HDLBP: variants seen among roughly 807,000 people sequenced by gnomAD.
HDLBP encodes the protein vigilin.
HDLBP carries 30 observed loss-of-function variants against 137.3 expected under a neutral mutation model. The ratio of observed to expected loss-of-function variants is 0.22; its 90% CI spans 0.16 to 0.30. The LOEUF is 0.30. HDLBP is among the 10% of genes least tolerant of loss of function. The pLI is 1.00. For synonymous variants in HDLBP, 606 were observed against 596.0 expected, an observed-to-expected ratio of 1.02 and a Z score of -0.24; for missense variants, 1,119 against 1,667.3, an observed-to-expected ratio of 0.67 and a Z score of 5.73.
In HDLBP at chr2:241,230,174, G is replaced by C. The variant is rs1353921759; in HGVS notation, c.3570C>G (p.Ile1190Met). ...TCACGTATTCCTCCTCCAGATTGAGGATGTGGTCGATGGCTTCCTCCACAT... is the reference window on the plus strand; with the variant it reads ...TCACGTATTCCTCCTCCAGATTGAGCATGTGGTCGATGGCTTCCTCCACAT... Reference protein sequence around the residue: ...PENVEEAIDHILNLEEEYLAD... With the variant: ...PENVEEAIDHMLNLEEEYLAD... The change falls in exon 26 of 28, where the codon ATC becomes ATG. Residue 1190 changes from isoleucine to methionine, a missense_variant. This residue lies in a region of HDLBP where 618 missense variants were observed against 816.7 expected (regional missense o/e 0.76). Transcript: ENST00000310931. This position sits in a 1 kb window ranked among gnomAD's most constrained non-coding sequence, Gnocchi z 5.0. 2 of 1,612,954 alleles carry C rather than the reference G, an allele frequency of 1.2e-6. No homozygotes were observed. Among genetic ancestry groups the C allele is most frequent in the Admixed American group, 3.3e-5 (2 of 60,006 alleles).
chr2:241,264,095 G>A (rs978373383), intron 4 of HDLBP, among the ~76,000 whole-genome samples: 7 of 138,902 alleles, frequency 5.0e-5, no homozygotes, highest in African/African-American at 1.7e-4. Flanking sequence ...CGGGCGCGGT[G>A]GCTCATGCCT....
At chr2:241,260,097 G>A (rs962836296) in intron 5 of HDLBP, among the ~76,000 whole-genome samples, 3 of 152,090 alleles carry the variant, frequency 2.0e-5, no homozygotes, top group Non-Finnish European at 4.4e-5. Flanking sequence ...TCTGCCTCCC[G>A]GGTTCAAGTG....
rs2230359 is a variant in HDLBP, at chr2:241,233,832, G to A, written c.3276C>T (p.Asp1092=). Residue 1092 remains aspartate (D), a synonymous_variant, in exon 24 of 28, where the codon GAC becomes GAT. Coordinates refer to ENST00000310931, the MANE Select transcript of HDLBP (RefSeq NM_005336.6). The surrounding 1 kb of genome is among the most constrained non-coding windows in gnomAD (Gnocchi z 4.3). Reference sequence around the variant, plus strand: ...CCGAGGCTCTCACCTGGTTCCCATCGTCCTTATCAGGAAACTGGATGTTCA... The same window carrying A: ...CCGAGGCTCTCACCTGGTTCCCATCATCCTTATCAGGAAACTGGATGTTCA... The part of the protein sequence containing the change: ...HDVNIQFPDK[D]DGNQPQDQIT... The A allele has an allele frequency of 0.023, 36,880 of 1,614,026 alleles. 6,162 individuals carry two copies. The African/African-American group carries it at 0.39, about 17-fold the overall frequency.
Position 241,233,941 on chromosome 2 carries a change from C to A in HDLBP, c.3167G>T (p.Ser1056Ile). Residue 1056 changes from serine to isoleucine, a missense_variant, in exon 24 of 28, where the codon AGT becomes ATT. Physicochemically the swap from Ser to Ile is moderately radical, Grantham distance 142. Around this residue, in one of 4 missense-constraint regions of HDLBP, gnomAD observed 618 missense variants for 816.7 expected, o/e 0.76. Coordinates refer to ENST00000310931, the MANE Select transcript of HDLBP (RefSeq NM_005336.6). The surrounding 1 kb of genome is among the most constrained non-coding windows in gnomAD (Gnocchi z 4.3). The part of the protein sequence containing the change: ...EDRALRSFKL[S>I]VTVDPKYHPK... ...ATGGTATTTGGGGTCTACAGTGACA[C>A]TCAGCTTAAAACTCCTTAAAGCCTA... The A allele has an allele frequency of 1.2e-6, 2 of 1,614,192 alleles. No homozygotes were observed. The highest frequency in any genetic ancestry group is 1.7e-6 in the Non-Finnish European group (2 of 1,180,034).
chr2:241,296,943 T>G (rs1184120093), intron 1 of HDLBP, among the ~76,000 whole-genome samples: 2 of 152,206 alleles, frequency 1.3e-5, no homozygotes, highest in African/African-American at 4.8e-5. Context: ...AACACGAGTG[T>G]GCGTCAGCAC....
chr2:241,259,160 C>A (rs539416131), intron 5 of HDLBP, among the ~76,000 whole-genome samples: 2 of 152,258 alleles, frequency 1.3e-5, no homozygotes, highest in South Asian at 2.1e-4. Context: ...TCACTACTTA[C>A]TGATATGCAG....
intron 1 of HDLBP, among the ~76,000 whole-genome samples, chr2:241,310,312 CAATT>C (rs2075721323): frequency 6.6e-6 from 1 of 152,096 alleles, no homozygotes; most frequent in African/African-American, 2.4e-5. Context: ...TACAAAACAT[CAATT>C]AGACAGGAGG....
At chr2:241,255,218 G>A (rs1330549518) in intron 8 of HDLBP, 60 bp from the exon 9 acceptor site, 65 of 1,536,802 alleles carry the variant, frequency 4.2e-5, no homozygotes, top group Non-Finnish European at 5.2e-5. Context: ...CACAGTGAAA[G>A]CCAGGCTGCT....
Position 241,304,731 on chromosome 2 carries a change from C to G in HDLBP, c.-103+10839G>C, listed in dbSNP as rs904512132. Among the ~76,000 whole-genome samples the G allele has an allele frequency of 2.6e-5, 4 of 152,176 alleles. No individual in the cohort carries two copies. In the South Asian group the frequency reaches 8.3e-4, roughly 32 times the overall value. On this transcript the variant is annotated intron_variant, in intron 1 of 27. Transcript: ENST00000310931. ...TCTTGCTGCAAAGGCCTGGTTGGTC[C>G]CACTCCTGAACTAGAAAGTGCTGTG...
intron 3 of HDLBP, among the ~76,000 whole-genome samples, chr2:241,265,063 C>A (rs1359722971): frequency 1.3e-5 from 2 of 152,246 alleles, no homozygotes; most frequent in Non-Finnish European, 2.9e-5. Context: ...CCCAGCACCA[C>A]CTGTGAGAAT....
chr2:241,252,228 G>A (rs183327752), intron 11 of HDLBP, among the ~76,000 whole-genome samples: 3 of 152,164 alleles, frequency 2.0e-5, no homozygotes, highest in African/African-American at 4.8e-5. Context: ...CCTGCTGGGT[G>A]TGGTGGCTCA....
chr2:241,264,294 G>A (rs1258995750), intron 4 of HDLBP, among the ~76,000 whole-genome samples, 154 bp downstream of exon 4: 2 of 151,084 alleles, frequency 1.3e-5, no homozygotes, highest in South Asian at 2.1e-4. Context: ...CCCGGGAGGC[G>A]GAGCGTGCAG....
At chr2:241,247,030 G>C (rs1002439931) in intron 15 of HDLBP, 26 bp downstream of exon 15, 1 of 1,586,876 alleles carries the variant, frequency 6.3e-7, no homozygotes, top group African/African-American at 1.3e-5. Flanking sequence ...GCAAGAAGAA[G>C]CAAGATGCAG....
At chr2:241,312,890 T>G (rs1323593452) in intron 1 of HDLBP, among the ~76,000 whole-genome samples, 1 of 152,184 alleles carries the variant, frequency 6.6e-6, no homozygotes, top group Non-Finnish European at 1.5e-5. Flanking sequence ...GGTCAGAGTA[T>G]CTTAGATAAA....
At chr2:241,250,227 C>T (rs540448124) in intron 11 of HDLBP, 76 of 367,978 alleles carry the variant, frequency 2.1e-4, no homozygotes, top group African/African-American at 1.3e-3. Context: ...GGAAATGCCC[C>T]GAGACCTTCA....
intron 1 of HDLBP, among the ~76,000 whole-genome samples, chr2:241,309,279 G>A (rs991858123): frequency 1.3e-5 from 2 of 152,090 alleles, no homozygotes; most frequent in African/African-American, 2.4e-5. Flanking sequence ...CGTGACCTCC[G>A]TGAAAGTGCA....
chr2:241,286,879 G>C (rs1249413651), intron 1 of HDLBP, among the ~76,000 whole-genome samples: 1 of 151,862 alleles, frequency 6.6e-6, no homozygotes, highest in Non-Finnish European at 1.5e-5. Flanking sequence ...GAGCCCCAGG[G>C]GTTGAGCAGT....
intron 1 of HDLBP, among the ~76,000 whole-genome samples, chr2:241,314,480 C>T (rs183864533): frequency 3.9e-5 from 6 of 152,246 alleles, no homozygotes; most frequent in Admixed American, 2.6e-4. Flanking sequence ...TGATTGAGGG[C>T]TTAGGGTATA....
rs1293337045 is a variant in HDLBP, at chr2:241,230,058, A to T, written c.3591+95T>A. ...CTGCACCTCGCCTGCCTCTGGAAACACAAGTGCCACCTTGTCCCCTGAAGC... is the reference window on the plus strand; with the variant it reads ...CTGCACCTCGCCTGCCTCTGGAAACTCAAGTGCCACCTTGTCCCCTGAAGC... On this transcript the variant is annotated intron_variant, in intron 26 of 27. Transcript: ENST00000310931. This position sits in a 1 kb window ranked among gnomAD's most constrained non-coding sequence, Gnocchi z 5.0. 60 of 1,583,120 alleles carry T rather than the reference A, an allele frequency of 3.8e-5. No individual in the cohort carries two copies. The highest frequency in any genetic ancestry group is 5.2e-5 in the Non-Finnish European group (60 of 1,159,240).
Sources: allele counts gnomAD v4.1 joint callset (sites outside exome capture counted in the v4.1 genomes callset), GRCh38; gene constraint gnomAD v4.1.1; regional missense constraint gnomAD v4.1.1; non-coding constraint Gnocchi (gnomAD v3.1); transcripts MANE v1.5; gene names NCBI Gene and HGNC (gene_info 2026-07-23, HGNC 2026-07-21).